Variants in PCLO observed in about 807,000 individuals in gnomAD.
PCLO encodes the protein protein piccolo.
In PCLO, 82 loss-of-function variants were observed where a neutral mutation model predicts 427.5. That is an observed-to-expected ratio of 0.19 (90% CI 0.16 to 0.23). The LOEUF (loss-of-function observed/expected upper bound fraction) is 0.23. Ranked by LOEUF, PCLO falls within the 10% of genes least tolerant of loss-of-function variation. The pLI is 1.00. For missense variants in PCLO, 6,239 were observed against 6,115.9 expected (o/e 1.02, Z -0.67); for synonymous variants, 2,357 against 2,155.4 (o/e 1.09, Z -2.59).
rs756034842 is a variant in PCLO at position 83,008,586 on chromosome 7, C to T, written c.3301-42099G>A. ...AAAGTTCACGGTCTTTCCACCAATT[C>T]AATACCAACATCTAATGTTTCCTAT... On this transcript the variant is annotated intron_variant, in intron 3 of 24. Transcript: ENST00000333891. Among the ~76,000 whole-genome samples the T allele has an allele frequency of 5.6e-3, 853 of 151,458 alleles. 4 individuals carry two copies. Among genetic ancestry groups the T allele is most frequent in the Non-Finnish European group, 7.8e-3 (530 of 67,664 alleles).
chr7:82,980,416 C>A (rs1384561675), intron 3 of PCLO, among the ~76,000 whole-genome samples: 1 of 152,010 alleles, frequency 6.6e-6, no homozygotes, highest in Non-Finnish European at 1.5e-5. Context: ...AGTCTCACTG[C>A]CTGAAACGTT....
Position 82,833,420 on chromosome 7 carries a change from C to T in PCLO, c.14249+2247G>A, listed in dbSNP as rs114937087. On this transcript the variant is annotated intron_variant, in intron 16 of 24. Transcript: ENST00000333891. The stretch of plus-strand genomic sequence containing the variant: ...CAACAGGAAGTATTGAGTTCACGCA[C>T]GACCCAGACCTTTTCCTAGTCATTC... Among the ~76,000 whole-genome samples, 1,424 of 152,202 alleles carry T rather than the reference C, an allele frequency of 9.4e-3. 30 individuals carry two copies. The highest frequency in any genetic ancestry group is 0.032 in the African/African-American group (1,338 of 41,518).
chr7:82,886,291 A>C (rs79409126), intron 9 of PCLO, among the ~76,000 whole-genome samples: 3,081 of 152,226 alleles, frequency 0.02, 114 homozygotes, highest in African/African-American at 0.07. Flanking sequence ...TATCTTTTTC[A>C]AACATTATAA....
At chr7:83,125,425 G>A (rs966324790) in intron 3 of PCLO, among the ~76,000 whole-genome samples, 4 of 152,232 alleles carry the variant, frequency 2.6e-5, no homozygotes, top group South Asian at 4.1e-4. Context: ...CCATGATGAC[G>A]ATGGTGGTTT....
intron 22 of PCLO, among the ~76,000 whole-genome samples, chr7:82,777,030 G>A (rs1444704556): frequency 2.6e-5 from 4 of 151,880 alleles, no homozygotes; most frequent in Admixed American, 2.0e-4. Context: ...TAATGTTGAT[G>A]TTTAGTGCTA....
rs138928028 is a variant in PCLO at position 82,883,386 on chromosome 7, A to G, written c.13529-3924T>C. On this transcript the variant is annotated intron_variant, in intron 9 of 24. Transcript: ENST00000333891. ...ATCTCTGTGTTACAAATTATACATA[A>G]AAGTGTTTAAGAAAGTAAACCAAAT... Among the ~76,000 whole-genome samples the G allele has an allele frequency of 2.1e-4, 32 of 152,304 alleles. No homozygotes were observed. The East Asian group carries it at 6.2e-3, about 29-fold the overall frequency.
At chr7:82,764,269 A>C (rs911798699) in intron 22 of PCLO, among the ~76,000 whole-genome samples, 18 of 151,958 alleles carry the variant, frequency 1.2e-4, no homozygotes, top group African/African-American at 4.3e-4. Flanking sequence ...TAAGAGGAAC[A>C]GGAGTTAGAC....
rs1297598800 is a variant in PCLO at position 82,895,693 on chromosome 7, A to T, written c.13528+6958T>A. Among the ~76,000 whole-genome samples the T allele has an allele frequency of 4.6e-5, 7 of 152,014 alleles. No homozygotes were observed. In the East Asian group the frequency reaches 1.4e-3, roughly 29 times the overall value. On this transcript the variant is annotated intron_variant, in intron 9 of 24. Coordinates refer to ENST00000333891, the MANE Select transcript of PCLO (RefSeq NM_033026.6). Reference sequence around the variant, plus strand: ...AAAGTATGATGAATACATTTGTGACAATAGTTATAAAACATAGGTGAAATG... The same window carrying T: ...AAAGTATGATGAATACATTTGTGACTATAGTTATAAAACATAGGTGAAATG...
intron 3 of PCLO, among the ~76,000 whole-genome samples, chr7:82,994,742 A>G (rs1796456870): frequency 6.6e-6 from 1 of 151,908 alleles, no homozygotes; most frequent in Non-Finnish European, 1.5e-5. Flanking sequence ...ATATCACTTG[A>G]GGTGAAAAAT....
chr7:82,947,800 C>G (rs1260662448), intron 6 of PCLO, among the ~76,000 whole-genome samples: 3 of 152,108 alleles, frequency 2.0e-5, no homozygotes, highest in Non-Finnish European at 4.4e-5. Context: ...ATCAGTAATA[C>G]AACCTTTACA....
intron 3 of PCLO, among the ~76,000 whole-genome samples, chr7:83,116,379 T>C (rs1283129269): frequency 6.6e-6 from 1 of 152,186 alleles, no homozygotes; most frequent in Non-Finnish European, 1.5e-5. Context: ...ATGTGTTTTC[T>C]GCTAGAGATG....
chr7:83,027,659 A>G (rs1414420121), intron 3 of PCLO, among the ~76,000 whole-genome samples: 6 of 141,730 alleles, frequency 4.2e-5, no homozygotes, highest in Non-Finnish European at 7.9e-5. Flanking sequence ...ACCAAAAAAG[A>G]GAATTTTAGA....
intron 3 of PCLO, among the ~76,000 whole-genome samples, chr7:83,121,473 CA>C (rs895320987): frequency 6.6e-6 from 1 of 151,478 alleles, no homozygotes; most frequent in Non-Finnish European, 1.5e-5. Flanking sequence ...AAGAGAAAAC[CA>C]AAAAACAATT....
chr7:82,898,310 AG>A (rs1793956465), intron 9 of PCLO, among the ~76,000 whole-genome samples: 3 of 151,516 alleles, frequency 2.0e-5, no homozygotes, highest in Non-Finnish European at 4.4e-5. Context: ...TGAGATCATG[AG>A]GGTCCCATTG....
intron 3 of PCLO, among the ~76,000 whole-genome samples, chr7:83,125,867 C>T (rs1313079845): frequency 1.3e-5 from 2 of 151,446 alleles, no homozygotes; most frequent in Non-Finnish European, 2.9e-5. Context: ...CGAGAAACAC[C>T]CAAGAATGAT....
chr7:82,764,622 A>G (rs1476547), intron 22 of PCLO, among the ~76,000 whole-genome samples: 72,846 of 151,718 alleles, frequency 0.48, 18,472 homozygotes, highest in East Asian at 0.72. Flanking sequence ...GGCATATGGA[A>G]TCAATAAGAG....
chr7:83,025,085 C>A (rs1419299835), intron 3 of PCLO, among the ~76,000 whole-genome samples: 2 of 152,094 alleles, frequency 1.3e-5, no homozygotes, highest in African/African-American at 4.8e-5. Flanking sequence ...TCACCAGCAA[C>A]GGAACAAAGC....
In PCLO at chr7:82,895,047, T is replaced by C. The variant is rs533563721; in HGVS notation, c.13528+7604A>G. ...TCAGACTCACAAATTGCTTGTGCTT[T>C]TAATGTCTCTCCATTTTATATACAA... On this transcript the variant is annotated intron_variant, in intron 9 of 24. Transcript: ENST00000333891. Among the ~76,000 whole-genome samples, 9 of 152,180 alleles carry C rather than the reference T, an allele frequency of 5.9e-5. No individual in the cohort carries two copies. The East Asian group carries it at 1.7e-3, about 30-fold the overall frequency.
At chr7:83,067,117 T>G (rs1789688994) in intron 3 of PCLO, among the ~76,000 whole-genome samples, 1 of 152,168 alleles carries the variant, frequency 6.6e-6, no homozygotes, top group Non-Finnish European at 1.5e-5. Flanking sequence ...TAGACTTGGG[T>G]CCCATCCCCA....
Sources: allele counts gnomAD v4.1 joint callset (sites outside exome capture counted in the v4.1 genomes callset), GRCh38; gene constraint gnomAD v4.1.1; transcripts MANE v1.5; gene names NCBI Gene and HGNC (gene_info 2026-07-23, HGNC 2026-07-21).